ITGAD: variants seen among roughly 807,000 people sequenced by gnomAD.
The protein encoded by ITGAD is integrin alpha-D.
Under a neutral mutation model 139.0 loss-of-function variants are expected in ITGAD, and 105 were observed. The ratio of observed to expected loss-of-function variants is 0.76; its 90% CI spans 0.65 to 0.89. ITGAD has a LOEUF of 0.89. Ranked by LOEUF, ITGAD falls within the 40% of genes least tolerant of loss-of-function variation. The pLI is 0.00. For missense variants in ITGAD, 1,384 were observed against 1,487.3 expected, an observed-to-expected ratio of 0.93 and a Z score of 1.14; for synonymous variants, 569 against 598.3, an observed-to-expected ratio of 0.95 and a Z score of 0.71.
intron 10 of ITGAD, 52 bp downstream of exon 10, chr16:31,408,550 C>A: frequency 6.6e-7 from 1 of 1,522,964 alleles, no homozygotes; most frequent in East Asian, 2.3e-5. Context: ...ACTCTGCACC[C>A]ACCCTGGGCT....
chr16:31,411,330 C>A lies in ITGAD; in HGVS notation c.1520C>A (p.Ala507Asp). Residue 507 changes from alanine (A) to aspartate (D), a missense_variant, in exon 14 of 30, where the codon GCT (alanine) becomes GAT (aspartate). Ala to Asp is a moderately radical substitution (Grantham distance 126). Transcript: ENST00000389202. ...CAGAGGGTGCAGTGGCAGTGTGACG[C>A]TGTTCTCCGTGGTGAGCAGGGCCAC... ...PRGRVQWQCD[A>D]VLRGEQGHPW... 8 of 1,613,418 alleles carry A rather than the reference C, an allele frequency of 5.0e-6. No individual in the cohort carries two copies. Among genetic ancestry groups the A allele is most frequent in the Non-Finnish European group, 5.9e-6 (7 of 1,179,542 alleles).
chr16:31,395,461 G>A (rs1036094855), intron 2 of ITGAD, among the ~76,000 whole-genome samples: 3 of 152,182 alleles, frequency 2.0e-5, no homozygotes, highest in African/African-American at 7.2e-5. Flanking sequence ...AGCAATGACC[G>A]CTGCTACCTT....
chr16:31,408,825 T>C (rs2081605837), intron 10 of ITGAD, among the ~76,000 whole-genome samples: 1 of 152,180 alleles, frequency 6.6e-6, no homozygotes, highest in Non-Finnish European at 1.5e-5. Flanking sequence ...GAGACTGTTC[T>C]GGGCACAGGA....
Position 31,408,504 on chromosome 16 carries a change from T to C in ITGAD, c.1083+6T>C. ...TCAGCACAGCCCTCACAATGGTGGG[T>C]AGAGCCTGCCCTCAATCCATAGCTC... On this transcript the variant is annotated splice_donor_region_variant and intron_variant, in intron 10 of 29. Transcript: ENST00000389202. 1 of 1,612,970 alleles carries C rather than the reference T, an allele frequency of 6.2e-7. No homozygotes were observed. Among genetic ancestry groups the C allele is most frequent in the Non-Finnish European group, 8.5e-7 (1 of 1,179,094 alleles).
Position 31,426,089 on chromosome 16 carries a change from C to T in ITGAD, c.3447C>T (p.Asp1149=), listed in dbSNP as rs149224051. The part of the protein sequence containing the change: ...KPEDTATFSG[D]DFSCVAPNVP... ...AAGACACTGCCACATTCAGTGGGGA[C>T]GATTTCAGCTGTGTGGCCCCAAATG... is the stretch of plus-strand genomic sequence containing the variant. Residue 1149 remains aspartate (D), a synonymous_variant, in exon 30 of 30, where the codon GAC becomes GAT. Coordinates refer to ENST00000389202, the MANE Select transcript of ITGAD (RefSeq NM_005353.3). The T allele has an allele frequency of 3.2e-5, 51 of 1,613,502 alleles. No individual in the cohort carries two copies. The highest frequency in any genetic ancestry group is 1.6e-4 in the Middle Eastern group (1 of 6,082).
rs2081940466 is a variant in ITGAD at position 31,418,377 on chromosome 16, G to A, written c.2693G>A (p.Ser898Asn). Residue 898 changes from serine to asparagine, a missense_variant, in exon 22 of 30, where the codon AGC (serine) becomes AAC (asparagine). By Grantham distance (46) the Ser-to-Asn change is conservative (BLOSUM62 1). Coordinates refer to ENST00000389202, the MANE Select transcript of ITGAD (RefSeq NM_005353.3). Reference protein sequence around the residue: ...GDRMLMRASASSENNKASSSK... With the variant: ...GDRMLMRASANSENNKASSSK... ...AGGATGCTTATGAGGGCCAGTGCAA[G>A]CAGGTGGGTCCAGGCCAGGGTATCC... 1.2e-6 allele frequency: 2 copies of A among 1,614,042 alleles called. No individual in the cohort carries two copies. Among genetic ancestry groups the A allele is most frequent in the Non-Finnish European group, 1.7e-6 (2 of 1,179,950 alleles).
In ITGAD at chr16:31,424,185, G is replaced by A; in HGVS notation, c.3243G>A (p.Glu1081=). The change falls in exon 28 of 30, where the codon GAG becomes GAA. Residue 1081 remains glutamate (E), a synonymous_variant. Coordinates refer to ENST00000389202, the MANE Select transcript of ITGAD (RefSeq NM_005353.3). ...TSVYSQLPGQ[E]AFMRAQMEMV... is the part of the protein sequence containing the mutation. ...TGTACTCCCAGCTTCCAGGACAGGA[G>A]GCATTTATGAGAGCTCAGGTAGAGA... 1.2e-6 allele frequency: 2 copies of A among 1,614,250 alleles called. No homozygotes were observed. The highest frequency in any genetic ancestry group is 1.1e-5 in the South Asian group (1 of 91,088).
At position 31,403,479 on chromosome 16, in the gene ITGAD, C is replaced by T. The variant is rs754475586; in HGVS notation, c.559-21C>T. 2 of 1,613,916 alleles carry T rather than the reference C, an allele frequency of 1.2e-6. No individual in the cohort carries two copies. The highest frequency in any genetic ancestry group is 2.2e-5 in the East Asian group (1 of 44,868). On this transcript the variant is annotated intron_variant, in intron 6 of 29. Transcript: ENST00000389202. The surrounding 1 kb of genome is among the most constrained non-coding windows in gnomAD (Gnocchi z 4.4). Reference sequence around the variant, plus strand: ...TAGTAACAGGCACTGAGCCCTGGGCCCTCCCCACTGGCCTTTGCAGTTTGC... The same window carrying T: ...TAGTAACAGGCACTGAGCCCTGGGCTCTCCCCACTGGCCTTTGCAGTTTGC...
At position 31,407,486 on chromosome 16, in the gene ITGAD, TAG is replaced by T. The variant is rs748201473; in HGVS notation, c.705-26_705-25del. On this transcript the variant is annotated intron_variant, in intron 7 of 29. Transcript: ENST00000389202. ...CTTTCCAGAATCAATCACATCTCAG[TAG>T]AGTCATCTTCCTTTCCTCCCCGACA... 3 of 1,547,746 alleles carry T rather than the reference TAG, an allele frequency of 1.9e-6. No individual in the cohort carries two copies. In the South Asian group the frequency reaches 3.7e-5, roughly 19 times the overall value.
chr16:31,415,627 T>C (rs1320356238), intron 18 of ITGAD, among the ~76,000 whole-genome samples: 1 of 152,224 alleles, frequency 6.6e-6, no homozygotes, highest in Non-Finnish European at 1.5e-5. Flanking sequence ...TCCTCATTCC[T>C]ACCTCTGTGC....
chr16:31,414,505 C>T lies in ITGAD; in HGVS notation c.2051C>T (p.Thr684Ile). 6.2e-7 allele frequency: 1 copy of T among 1,614,228 alleles called. No homozygotes were observed. Among genetic ancestry groups the T allele is most frequent in the Non-Finnish European group, 8.5e-7 (1 of 1,180,034 alleles). The change falls in exon 17 of 30, where the codon ACT (threonine) becomes ATT (isoleucine). Residue 684 changes from threonine to isoleucine, a missense_variant. By Grantham distance (89) the Thr-to-Ile change is moderately conservative. Transcript: ENST00000389202. ...CTGGCACTGGACCCAGGTCGTCTGA[C>T]TTCTCGTGCCATTTTCAATGAAACC... The part of the protein sequence containing the change: ...FDLALDPGRL[T>I]SRAIFNETKN...
At chr16:31,418,414 T>C (rs759211711) in intron 22 of ITGAD, 34 bp downstream of exon 22, 7 of 1,608,534 alleles carry the variant, frequency 4.4e-6, no homozygotes, top group Non-Finnish European at 6.0e-6. Context: ...CCACCCTCCA[T>C]CGCATGCCCC....
chr16:31,425,520 G>C (rs1033267957), intron 29 of ITGAD, among the ~76,000 whole-genome samples: 7 of 152,214 alleles, frequency 4.6e-5, no homozygotes, highest in African/African-American at 1.7e-4. Flanking sequence ...GGGGCCAGCA[G>C]ATGCTCGATA....
chr16:31,402,668 T>A (rs2081437521), intron 6 of ITGAD: 1 of 161,238 alleles, frequency 6.2e-6, no homozygotes, highest in Non-Finnish European at 1.4e-5. Context: ...GGGGGTGCAA[T>A]CATAGCTCAC....
chr16:31,405,973 G>T (rs562604936), intron 7 of ITGAD, among the ~76,000 whole-genome samples: 66 of 152,032 alleles, frequency 4.3e-4, no homozygotes, highest in Non-Finnish European at 7.5e-4. Flanking sequence ...CCTTTCCCCA[G>T]TGTTGGATAT....
chr16:31,394,407 G>T, intron 2 of ITGAD, 66 bp downstream of exon 2: 1 of 1,263,286 alleles, frequency 7.9e-7, no homozygotes, highest in African/African-American at 1.5e-5. Context: ...GGTACACGTG[G>T]GTTACCCCAG....
chr16:31,414,792 C>T, intron 17 of ITGAD, 68 bp from the exon 18 acceptor site: 3 of 1,586,620 alleles, frequency 1.9e-6, no homozygotes, highest in Non-Finnish European at 1.7e-6. Flanking sequence ...GGAGTGGATG[C>T]AGTGGAGGAG....
chr16:31,403,453 A>T lies in ITGAD; in HGVS notation c.559-47A>T, dbSNP rs933276059. On this transcript the variant is annotated intron_variant, in intron 6 of 29. Transcript: ENST00000389202. This position sits in a 1 kb window ranked among gnomAD's most constrained non-coding sequence, Gnocchi z 4.4. Reference sequence around the variant, plus strand: ...TCTACAAAAAATTAAAATAAAAACAATAGTAACAGGCACTGAGCCCTGGGC... The same window carrying T: ...TCTACAAAAAATTAAAATAAAAACATTAGTAACAGGCACTGAGCCCTGGGC... The T allele has an allele frequency of 6.2e-7, 1 of 1,605,028 alleles. No homozygotes were observed. The highest frequency in any genetic ancestry group is 1.3e-5 in the African/African-American group (1 of 74,422).
At chr16:31,405,514 C>T (rs1294699210) in intron 7 of ITGAD, among the ~76,000 whole-genome samples, 1 of 152,184 alleles carries the variant, frequency 6.6e-6, no homozygotes, top group Non-Finnish European at 1.5e-5. Context: ...AGCTGCATAG[C>T]ACAATGCCAC....
Sources: allele counts gnomAD v4.1 joint callset (sites outside exome capture counted in the v4.1 genomes callset), GRCh38; gene constraint gnomAD v4.1.1; non-coding constraint Gnocchi (gnomAD v3.1); transcripts MANE v1.5; gene names NCBI Gene and HGNC (gene_info 2026-07-23, HGNC 2026-07-21).